CACFD1: variants seen among roughly 807,000 people sequenced by gnomAD.
CACFD1 encodes the protein calcium channel flower homolog.
CACFD1 carries 26 observed loss-of-function variants against 21.3 expected under a neutral mutation model. The ratio of observed to expected loss-of-function variants is 1.22; its 90% CI spans 0.89 to 1.69. The LOEUF (loss-of-function observed/expected upper bound fraction) is 1.69, where lower values mean the gene tolerates loss of function less well. CACFD1 is among the 40% of genes most tolerant of loss of function. The pLI is 0.00. For missense variants in CACFD1, 265 were observed against 236.2 expected (o/e 1.12, Z -0.80); for synonymous variants, 121 against 106.6 (o/e 1.13, Z -0.83).
chr9:133,465,323 A>C lies in CACFD1; in HGVS notation c.196A>C (p.Met66Leu). Residue 66 changes from methionine (M) to leucine (L), a missense_variant and splice_region_variant, in exon 3 of 5, where the codon ATG (methionine) becomes CTG (leucine). Coordinates refer to ENST00000316948, the MANE Select transcript of CACFD1 (RefSeq NM_017586.5). The surrounding 1 kb of genome is among the most constrained non-coding windows in gnomAD (Gnocchi z 5.0). The part of the protein sequence containing the change: ...LNIAAGVWMI[M>L]NAFILLLCEA... ...CTTCTCCTGCCCTGGTCCCTGCAGC[A>C]TGAATGCCTTCATCTTGTTGCTGTG... is the stretch of plus-strand genomic sequence containing the variant. The C allele has an allele frequency of 6.2e-7, 1 of 1,613,990 alleles. No individual in the cohort carries two copies. Among genetic ancestry groups the C allele is most frequent in the Non-Finnish European group, 8.5e-7 (1 of 1,179,986 alleles).
rs1843606764 is a variant in CACFD1, at chr9:133,469,816, TA to T, written c.*1164del. ...GGCAGAAGCGGGCGGGTGTGGAAGA[TA>T]TTCCATCTGGGGCCAACCCCAGGCT... On this transcript the variant is annotated 3_prime_UTR_variant, in exon 5 of 5. Transcript: ENST00000316948. The T allele has an allele frequency of 6.6e-6, 1 of 152,276 alleles. No homozygotes were observed. The highest frequency in any genetic ancestry group is 1.5e-5 in the Non-Finnish European group (1 of 68,088). The allele number at this position is 152,276 out of a possible 1,614,324, so 9.4% of individuals were successfully genotyped here.
rs1554800249 is a variant in CACFD1 at position 133,468,727 on chromosome 9, C to T, written c.*74C>T. The stretch of plus-strand genomic sequence containing the variant: ...GTCCAAGTGAGGCCTGGACTGTCCA[C>T]GCTGAGGCACAGCCTGGAGAGGGGC... On this transcript the variant is annotated 3_prime_UTR_variant, in exon 5 of 5. Coordinates refer to ENST00000316948, the MANE Select transcript of CACFD1 (RefSeq NM_017586.5). 8 of 1,479,156 alleles carry T rather than the reference C, an allele frequency of 5.4e-6. No homozygotes were observed. The highest frequency in any genetic ancestry group is 2.3e-5 in the Admixed American group (1 of 43,884). The allele number at this position is 1,479,156 out of a possible 1,614,324, so 91.6% of individuals were successfully genotyped here.
chr9:133,470,440 A>G lies in CACFD1; in HGVS notation c.*1787A>G, dbSNP rs1843652927. ...GCAGGAGAAGGGTTGGCTGTGGATC[A>G]AGGAAGGCTGCCCCTGTACCCTGTG... On this transcript the variant is annotated 3_prime_UTR_variant, in exon 5 of 5. Transcript: ENST00000316948. 6.6e-6 allele frequency: 1 copy of G among 152,424 alleles called. No homozygotes were observed. The highest frequency in any genetic ancestry group is 1.5e-5 in the Non-Finnish European group (1 of 68,216). 9.4% of individuals were successfully genotyped at this position (152,424 alleles called of 1,614,324 possible). A position where few individuals can be genotyped will look rare whatever the true frequency, so the allele number is the denominator to read the frequency against.
At position 133,469,065 on chromosome 9, in the gene CACFD1, CTT is replaced by C. The variant is rs1424911730; in HGVS notation, c.*413_*414del. The C allele has an allele frequency of 1.8e-5, 4 of 228,552 alleles. No homozygotes were observed. In the East Asian group the frequency reaches 2.7e-4, roughly 15 times the overall value. 14.2% of individuals were successfully genotyped at this position (228,552 alleles called of 1,614,324 possible). The stretch of plus-strand genomic sequence containing the variant: ...GAGCAGAGGGACCTCCCCCAGCTCT[CTT>C]AGCAGGTGGAGCCCCAGGGCCTGGG... On this transcript the variant is annotated 3_prime_UTR_variant, in exon 5 of 5. Transcript: ENST00000316948.
At position 133,470,653 on chromosome 9, in the gene CACFD1, CG is replaced by C. The variant is rs1204000762; in HGVS notation, c.*2002del. The C allele has an allele frequency of 2.6e-5, 4 of 152,478 alleles. No homozygotes were observed. The highest frequency in any genetic ancestry group is 4.4e-5 in the Non-Finnish European group (3 of 68,242). 9.4% of individuals were successfully genotyped at this position (152,478 alleles called of 1,614,324 possible). On this transcript the variant is annotated 3_prime_UTR_variant, in exon 5 of 5. Coordinates refer to ENST00000316948, the MANE Select transcript of CACFD1 (RefSeq NM_017586.5). Reference sequence around the variant, plus strand: ...GCCTTGCAAGGAACGTCTCTTCCGGCGGCTGGGCCGCTCCTGCCTGGTCTGG... The same window carrying C: ...GCCTTGCAAGGAACGTCTCTTCCGGCGCTGGGCCGCTCCTGCCTGGTCTGG...
At chr9:133,467,898 C>T in intron 3 of CACFD1, 23 bp from the exon 4 acceptor site, 4 of 1,583,316 alleles carry the variant, frequency 2.5e-6, no homozygotes, top group Non-Finnish European at 3.5e-6. Flanking sequence ...GGAGTGCCCC[C>T]TTGACCTCTG....
At chr9:133,468,126 G>T (rs1843516964) in intron 4 of CACFD1, 98 bp downstream of exon 4, 3 of 1,127,962 alleles carry the variant, frequency 2.7e-6, no homozygotes, top group Non-Finnish European at 3.8e-6. Flanking sequence ...CTTTTAGCTA[G>T]TGGAGACCGA....
chr9:133,467,783 C>CTG lies in CACFD1; in HGVS notation c.321-134_321-133dup, dbSNP rs1843496481. The CTG allele has an allele frequency of 7.9e-6, 5 of 634,408 alleles. No individual in the cohort carries two copies. The East Asian group carries it at 1.4e-4, about 17-fold the overall frequency. The allele number at this position is 634,408 out of a possible 1,614,324, so 39.3% of individuals were successfully genotyped here. A position where few individuals can be genotyped will look rare whatever the true frequency, so the allele number is the denominator to read the frequency against. Reference sequence around the variant, plus strand: ...AGGGCTGATGAAGGACTTTCTGAAGCTGTGTCTCAGTTGATTTTTGGGGAT... The same window carrying CTG: ...AGGGCTGATGAAGGACTTTCTGAAGCTGTGTGTCTCAGTTGATTTTTGGGGAT... On this transcript the variant is annotated intron_variant, in intron 3 of 4. Coordinates refer to ENST00000316948, the MANE Select transcript of CACFD1 (RefSeq NM_017586.5).
At chr9:133,464,680 C>T (rs180757805) in intron 2 of CACFD1, among the ~76,000 whole-genome samples, 1 of 152,306 alleles carries the variant, frequency 6.6e-6, no homozygotes, top group Admixed American at 6.5e-5. Context: ...AGACACCTTC[C>T]GTCACCAGTG....
At chr9:133,460,569 G>A (rs1183769848) in intron 1 of CACFD1, among the ~76,000 whole-genome samples, 1 of 149,728 alleles carries the variant, frequency 6.7e-6, no homozygotes, top group Non-Finnish European at 1.5e-5. Context: ...GATGCTCACG[G>A]GGCGCATGCC....
chr9:133,460,798 C>T (rs925056605), intron 1 of CACFD1, among the ~76,000 whole-genome samples: 1 of 152,200 alleles, frequency 6.6e-6, no homozygotes, highest in Non-Finnish European at 1.5e-5. Context: ...GGCCCGGCCT[C>T]TCCCTGGGTC....
At chr9:133,464,952 C>A (rs933389775) in intron 2 of CACFD1, 6 of 199,866 alleles carry the variant, frequency 3.0e-5, no homozygotes, top group Non-Finnish European at 6.2e-5. Flanking sequence ...GACACAGCTG[C>A]CAGTGCTCCA....
chr9:133,470,206 TGTGTGTGTGTG>T lies in CACFD1; in HGVS notation c.*1554_*1564del, dbSNP rs1554800799. ...TCAAAGGGCTGTGTGTGTGTGTGTGTGTGTGTGTGTGTGTGTGTGTATGTATATGTGTGTGG... is the reference window on the plus strand; with the variant it reads ...TCAAAGGGCTGTGTGTGTGTGTGTGTTGTGTGTGTATGTATATGTGTGTGG... On this transcript the variant is annotated 3_prime_UTR_variant, in exon 5 of 5. Coordinates refer to ENST00000316948, the MANE Select transcript of CACFD1 (RefSeq NM_017586.5). The T allele has an allele frequency of 0.033, 4,930 of 150,876 alleles. 109 individuals carry two copies. Among genetic ancestry groups the T allele is most frequent in the Middle Eastern group, 0.055 (16 of 292 alleles). 9.3% of individuals were successfully genotyped at this position (150,876 alleles called of 1,614,324 possible). A position where few individuals can be genotyped will look rare whatever the true frequency, so the allele number is the denominator to read the frequency against.
intron 4 of CACFD1, 105 bp downstream of exon 4, chr9:133,468,133 C>G (rs1843517189): frequency 3.7e-6 from 4 of 1,089,856 alleles, no homozygotes; most frequent in Non-Finnish European, 5.3e-6. Flanking sequence ...CTAGTGGAGA[C>G]CGAGGCAGAG....
chr9:133,468,209 A>G, intron 4 of CACFD1, 181 bp downstream of exon 4: 2 of 1,207,794 alleles, frequency 1.7e-6, no homozygotes, highest in South Asian at 3.1e-5. Context: ...GACTTACAAC[A>G]CTTCTGCGTG....
chr9:133,468,082 A>G, intron 4 of CACFD1, 54 bp downstream of exon 4: 6 of 1,456,254 alleles, frequency 4.1e-6, no homozygotes, highest in Non-Finnish European at 5.7e-6. Context: ...CCGCCCCCCG[A>G]AGTCCTTCAG....
chr9:133,465,356 C>T lies in CACFD1; in HGVS notation c.229C>T (p.Pro77Ser). 5 of 1,614,110 alleles carry T rather than the reference C, an allele frequency of 3.1e-6. No individual in the cohort carries two copies. Among genetic ancestry groups the T allele is most frequent in the Non-Finnish European group, 4.2e-6 (5 of 1,179,972 alleles). The change falls in exon 3 of 5, where the codon CCC becomes TCC. Residue 77 changes from proline to serine, a missense_variant. By Grantham distance (74) the Pro-to-Ser change is moderately conservative (BLOSUM62 -1). Transcript: ENST00000316948. This position sits in a 1 kb window ranked among gnomAD's most constrained non-coding sequence, Gnocchi z 5.0. ...NAFILLLCEA[P>S]FCCQFIEFAN... is the part of the protein sequence containing the mutation. The stretch of plus-strand genomic sequence containing the variant: ...CTTCATCTTGTTGCTGTGTGAGGCG[C>T]CCTTCTGCTGCCAGTTCATCGAGTT...
At chr9:133,461,354 G>T (rs1843208994) in intron 1 of CACFD1, among the ~76,000 whole-genome samples, 1 of 152,362 alleles carries the variant, frequency 6.6e-6, no homozygotes, top group Non-Finnish European at 1.5e-5. Flanking sequence ...CGGTAGGGCA[G>T]GCCCTACCCC....
At chr9:133,467,842 T>C in intron 3 of CACFD1, 79 bp from the exon 4 acceptor site, 1 of 1,052,806 alleles carries the variant, frequency 9.5e-7, no homozygotes, top group Non-Finnish European at 1.5e-6. Flanking sequence ...GGAAGGATGC[T>C]GGGCCGAGTC....
Sources: gnomAD v4.1 joint callset for allele counts (sites outside exome capture counted in the v4.1 genomes callset) on GRCh38, gnomAD v4.1.1 for gene constraint, Gnocchi (gnomAD v3.1) non-coding constraint, MANE v1.5 for transcripts, NCBI Gene and HGNC (gene_info 2026-07-23, HGNC 2026-07-21) for gene names.